Variants in KCNT2 observed in about 807,000 individuals in gnomAD.
KCNT2 encodes potassium sodium-activated channel subfamily T member 2.
KCNT2 carries 67 observed loss-of-function variants against 153.8 expected under a neutral mutation model. The observed-to-expected ratio is 0.44, with a 90% CI of 0.36 to 0.53. KCNT2 has a LOEUF of 0.53. Among genes scored for constraint, KCNT2 ranks in the 20% least tolerant of loss-of-function variants. The pLI is 0.00. For missense variants in KCNT2, 975 were observed against 1,354.8 expected (o/e 0.72, Z 4.40); for synonymous variants, 500 against 458.8 (o/e 1.09, Z -1.15).
intron 1 of KCNT2, among the ~76,000 whole-genome samples, chr1:196,556,332 G>A (rs1364363387): frequency 1.3e-5 from 2 of 151,304 alleles, no homozygotes; most frequent in African/African-American, 4.8e-5. Context: ...TTAAAATTGG[G>A]TGAAAGATTT....
At chr1:196,446,890 T>C (rs60858311) in intron 8 of KCNT2, among the ~76,000 whole-genome samples, 10,107 of 151,590 alleles carry the variant, frequency 0.067, 1,138 homozygotes, top group African/African-American at 0.23. Flanking sequence ...AGAACTCACT[T>C]AATATCACTC....
chr1:196,238,348 G>T (rs936023255), intron 26 of KCNT2, among the ~76,000 whole-genome samples: 1 of 151,810 alleles, frequency 6.6e-6, no homozygotes, highest in Non-Finnish European at 1.5e-5. Flanking sequence ...TAAGTAGCCT[G>T]TATTATTTAT....
chr1:196,570,067 TAAAAAAAAAAAAAAAAAAA>T (rs199836975), intron 1 of KCNT2, among the ~76,000 whole-genome samples: 10 of 133,700 alleles, frequency 7.5e-5, no homozygotes, highest in South Asian at 2.2e-4. Context: ...TGAGCTAGAG[TAAAAAAAAAAAAAAAAAAA>T]AAAAAAAAAA....
chr1:196,469,779 A>G (rs911767157), intron 5 of KCNT2, among the ~76,000 whole-genome samples: 1 of 152,186 alleles, frequency 6.6e-6, no homozygotes, highest in African/African-American at 2.4e-5. Flanking sequence ...CCCTAACATT[A>G]AGAGGTCACC....
At chr1:196,578,167 ACC>A in intron 1 of KCNT2, among the ~76,000 whole-genome samples, 2 of 14,552 alleles carry the variant, frequency 1.4e-4, no homozygotes, top group South Asian at 0.03. Flanking sequence ...AAATTAGGAA[ACC>A]TGCAGTCTTA....
At chr1:196,325,118 C>A (rs1663710518) in intron 19 of KCNT2, among the ~76,000 whole-genome samples, 1 of 152,012 alleles carries the variant, frequency 6.6e-6, no homozygotes, top group Non-Finnish European at 1.5e-5. Context: ...GAACTCCAGT[C>A]CCAGATATGA....
At chr1:196,363,894 T>C (rs1667827564) in intron 14 of KCNT2, among the ~76,000 whole-genome samples, 1 of 152,132 alleles carries the variant, frequency 6.6e-6, no homozygotes, top group Non-Finnish European at 1.5e-5. Context: ...TAAGTATATA[T>C]ACTAGCAAAC....
intron 8 of KCNT2, among the ~76,000 whole-genome samples, chr1:196,459,122 G>A (rs2148644574): frequency 6.6e-6 from 1 of 151,220 alleles, no homozygotes; most frequent in South Asian, 2.1e-4. Context: ...TTTTTTTTGA[G>A]GTAATGATAA....
intron 25 of KCNT2, among the ~76,000 whole-genome samples, chr1:196,262,680 T>G (rs1657138885): frequency 6.6e-6 from 1 of 152,030 alleles, no homozygotes; most frequent in African/African-American, 2.4e-5. Context: ...AAAGCTCAAT[T>G]TAATATGTAC....
chr1:196,393,473 T>A (rs558101340), intron 13 of KCNT2, among the ~76,000 whole-genome samples: 1 of 151,786 alleles, frequency 6.6e-6, no homozygotes, highest in East Asian at 1.9e-4. Flanking sequence ...GCAAACTTCA[T>A]TCAGCTGAAA....
chr1:196,485,826 G>A (rs1679377263), intron 3 of KCNT2, among the ~76,000 whole-genome samples: 1 of 151,688 alleles, frequency 6.6e-6, no homozygotes, highest in South Asian at 2.1e-4. Flanking sequence ...AAAGAATGTG[G>A]GATCTAATCT....
At chr1:196,521,757 A>T (rs2148824034) in intron 1 of KCNT2, among the ~76,000 whole-genome samples, 1 of 152,194 alleles carries the variant, frequency 6.6e-6, no homozygotes, top group Admixed American at 6.5e-5. Flanking sequence ...GAACACATGG[A>T]CACAAAGAGG....
intron 8 of KCNT2, among the ~76,000 whole-genome samples, chr1:196,454,263 T>C (rs1676464609): frequency 6.6e-6 from 1 of 151,958 alleles, no homozygotes; most frequent in Admixed American, 6.6e-5. Flanking sequence ...CATGTGCAGA[T>C]TTATGACATA....
At chr1:196,277,460 T>A (rs1658674466) in intron 25 of KCNT2, among the ~76,000 whole-genome samples, 1 of 152,174 alleles carries the variant, frequency 6.6e-6, no homozygotes, top group Non-Finnish European at 1.5e-5. Flanking sequence ...CAGAATTCAG[T>A]GTGATACTCC....
At chr1:196,607,266 A>G (rs1027370237) in intron 1 of KCNT2, among the ~76,000 whole-genome samples, 1 of 152,248 alleles carries the variant, frequency 6.6e-6, no homozygotes, top group African/African-American at 2.4e-5. Flanking sequence ...GAAACATTTC[A>G]ATTGAGTTGA....
chr1:196,418,381 C>A (rs1322142214), intron 12 of KCNT2, among the ~76,000 whole-genome samples: 2 of 152,012 alleles, frequency 1.3e-5, no homozygotes, highest in Non-Finnish European at 1.5e-5. Context: ...ATTAGCCAGG[C>A]ATGGTACCCA....
chr1:196,383,697 G>A (rs878947726), intron 13 of KCNT2, among the ~76,000 whole-genome samples: 13 of 152,098 alleles, frequency 8.5e-5, no homozygotes, highest in African/African-American at 1.9e-4. Flanking sequence ...CAGGAAATTC[G>A]TGTCTTTAAA....
chr1:196,602,260 G>A (rs933563881), intron 1 of KCNT2, among the ~76,000 whole-genome samples: 8 of 152,094 alleles, frequency 5.3e-5, no homozygotes, highest in East Asian at 1.9e-4. Flanking sequence ...ACTGGTTACC[G>A]TTTTACTGTA....
At chr1:196,416,984 T>G (rs544765286) in intron 12 of KCNT2, among the ~76,000 whole-genome samples, 1 of 152,074 alleles carries the variant, frequency 6.6e-6, no homozygotes, top group Non-Finnish European at 1.5e-5. Flanking sequence ...TTAGTTCAAT[T>G]GCTTTGATTT....
Sources: allele counts gnomAD v4.1 joint callset (sites outside exome capture counted in the v4.1 genomes callset), GRCh38; gene constraint gnomAD v4.1.1; transcripts MANE v1.5; gene names NCBI Gene and HGNC (gene_info 2026-07-23, HGNC 2026-07-21).